The following ERC2 variants were observed in gnomAD, a reference collection of about 807,000 sequenced individuals.
The protein encoded by ERC2 is ERC protein 2.
Under a neutral mutation model 114.8 loss-of-function variants are expected in ERC2, and 42 were observed. That is an observed-to-expected ratio of 0.37 (90% CI 0.29 to 0.47). ERC2 has a LOEUF of 0.47. Ranked by LOEUF, ERC2 falls within the 20% of genes least tolerant of loss-of-function variation. The pLI, the probability that ERC2 is intolerant of heterozygous loss-of-function variation, is 0.99. For synonymous variants in ERC2, 454 were observed against 425.5 expected, an observed-to-expected ratio of 1.07 and a Z score of -0.82; for missense variants, 939 against 1,150.7, an observed-to-expected ratio of 0.82 and a Z score of 2.66.
At chr3:56,101,486 G>A (rs1190998189) in intron 6 of ERC2, among the ~76,000 whole-genome samples, 1 of 152,112 alleles carries the variant, frequency 6.6e-6, no homozygotes, top group South Asian at 2.1e-4. Flanking sequence ...GCCAGGCTAA[G>A]GGCATTACTG....
intron 17 of ERC2, among the ~76,000 whole-genome samples, chr3:55,575,981 A>T (rs1157148594): frequency 6.6e-6 from 1 of 152,214 alleles, no homozygotes; most frequent in Non-Finnish European, 1.5e-5. Context: ...AAGGTCACAC[A>T]GTTAGTTTAT....
At position 55,510,803 on chromosome 3, in the gene ERC2, A is replaced by T. The variant is rs987781020; in HGVS notation, c.*513T>A. Reference sequence around the variant, plus strand: ...AACACCACTCACTCACAGCGAATTTATACTTTTTGATAATCTAATGCATTA... The same window carrying T: ...AACACCACTCACTCACAGCGAATTTTTACTTTTTGATAATCTAATGCATTA... On this transcript the variant is annotated 3_prime_UTR_variant, in exon 18 of 18. Transcript: ENST00000288221. 1 of 152,216 alleles carries T rather than the reference A, an allele frequency of 6.6e-6. No homozygotes were observed. Among genetic ancestry groups the T allele is most frequent in the African/African-American group, 2.4e-5 (1 of 41,454 alleles). 9.4% of individuals were successfully genotyped at this position (152,216 alleles called of 1,614,324 possible).
At chr3:56,092,665 T>A (rs905374297) in intron 6 of ERC2, among the ~76,000 whole-genome samples, 9 of 152,208 alleles carry the variant, frequency 5.9e-5, no homozygotes, top group African/African-American at 2.2e-4. Context: ...CCAAAGTCAA[T>A]GTTATTTTGC....
chr3:56,340,721 C>T (rs998614817), intron 2 of ERC2, among the ~76,000 whole-genome samples: 3 of 152,108 alleles, frequency 2.0e-5, no homozygotes, highest in Admixed American at 6.6e-5. Context: ...ACCAAGGAAA[C>T]TTTTTAATAG....
chr3:56,296,068 A>G lies in ERC2; in HGVS notation c.1025T>C (p.Leu342Ser), dbSNP rs748563693. ...CTCTTTCTGATCTAAAATCACTTCC[A>G]AGTGGCTGACCTGAGACTCAGCCTC... ...MAEAESQVSH[L>S]EVILDQKEKE... is the part of the protein sequence containing the mutation. The change falls in exon 3 of 18, where the codon TTG becomes TCG. Residue 342 changes from leucine to serine, a missense_variant. This residue lies in a region of ERC2 where 148 missense variants were observed against 159.1 expected (regional missense o/e 0.93). Coordinates refer to ENST00000288221, the MANE Select transcript of ERC2 (RefSeq NM_015576.3). 6.2e-7 allele frequency: 1 copy of G among 1,609,622 alleles called. No homozygotes were observed. Among genetic ancestry groups the G allele is most frequent in the Non-Finnish European group, 8.5e-7 (1 of 1,177,156 alleles).
At chr3:56,319,077 G>A (rs55839257) in intron 2 of ERC2, among the ~76,000 whole-genome samples, 13,550 of 151,360 alleles carry the variant, frequency 0.09, 1,044 homozygotes, top group African/African-American at 0.21. Flanking sequence ...AAACACAACA[G>A]AAGTTTCCAA....
intron 14 of ERC2, among the ~76,000 whole-genome samples, chr3:55,869,283 G>T (rs766297302): frequency 6.6e-6 from 1 of 152,134 alleles, no homozygotes; most frequent in African/African-American, 2.4e-5. Flanking sequence ...TTAAGGCAAA[G>T]ATAAGGTTAG....
intron 14 of ERC2, among the ~76,000 whole-genome samples, chr3:55,882,952 A>C (rs1191127799): frequency 1.3e-5 from 2 of 152,230 alleles, no homozygotes; most frequent in Non-Finnish European, 2.9e-5. Context: ...GTGGGATTCC[A>C]AACCTCTTTG....
chr3:56,329,793 A>ATG (rs903705428), intron 2 of ERC2, among the ~76,000 whole-genome samples: 1 of 151,104 alleles, frequency 6.6e-6, no homozygotes, highest in Non-Finnish European at 1.5e-5. Context: ...TTTCCACTAT[A>ATG]TATATATATA....
intron 1 of ERC2, among the ~76,000 whole-genome samples, chr3:56,452,286 G>A (rs1264246955): frequency 6.6e-6 from 1 of 152,154 alleles, no homozygotes; most frequent in Admixed American, 6.5e-5. Flanking sequence ...AAGTTCCTCA[G>A]AAAGAATGAA....
intron 3 of ERC2, among the ~76,000 whole-genome samples, chr3:56,202,501 C>T (rs1035553008): frequency 2.9e-4 from 41 of 141,118 alleles, no homozygotes; most frequent in African/African-American, 8.8e-4. Context: ...TAAACTCAAG[C>T]TTTTTTTTTT....
At chr3:56,334,178 G>A (rs547678305) in intron 2 of ERC2, among the ~76,000 whole-genome samples, 1 of 152,120 alleles carries the variant, frequency 6.6e-6, no homozygotes, top group Non-Finnish European at 1.5e-5. Flanking sequence ...CAAATCCCTT[G>A]GATGCCAAGG....
intron 11 of ERC2, among the ~76,000 whole-genome samples, chr3:55,987,927 T>C (rs2070759032): frequency 6.6e-6 from 1 of 152,164 alleles, no homozygotes; most frequent in South Asian, 2.1e-4. Flanking sequence ...GGGCTCAATT[T>C]GGGCATTCTC....
At chr3:56,096,696 ATAT>A (rs2078085677) in intron 6 of ERC2, among the ~76,000 whole-genome samples, 1 of 152,134 alleles carries the variant, frequency 6.6e-6, no homozygotes, top group Non-Finnish European at 1.5e-5. Flanking sequence ...GTACATTTAT[ATAT>A]TATTACACTT....
intron 13 of ERC2, among the ~76,000 whole-genome samples, chr3:55,897,176 C>T (rs2063882445): frequency 6.6e-6 from 1 of 152,202 alleles, no homozygotes; most frequent in African/African-American, 2.4e-5. Flanking sequence ...TGTTGTTTAA[C>T]TAAATATTTG....
intron 17 of ERC2, among the ~76,000 whole-genome samples, chr3:55,566,845 T>C (rs2056408430): frequency 2.0e-5 from 3 of 152,084 alleles, no homozygotes; most frequent in South Asian, 4.1e-4. Context: ...ATTACAGGTG[T>C]ATGTCACCAT....
chr3:55,946,522 G>T (rs544059664), intron 13 of ERC2, among the ~76,000 whole-genome samples: 2 of 152,254 alleles, frequency 1.3e-5, no homozygotes, highest in East Asian at 3.9e-4. Flanking sequence ...GTCTCTCTGG[G>T]AGAAAACTCT....
chr3:55,754,604 A>AT (rs763895703), intron 14 of ERC2, among the ~76,000 whole-genome samples: 9 of 82,006 alleles, frequency 1.1e-4, no homozygotes, highest in African/African-American at 1.7e-4. Flanking sequence ...CCATTCTTAC[A>AT]TAAAAAAAAA....
At chr3:56,006,545 C>T (rs368636129) in intron 10 of ERC2, among the ~76,000 whole-genome samples, 1 of 151,996 alleles carries the variant, frequency 6.6e-6, no homozygotes, top group East Asian at 1.9e-4. Flanking sequence ...GTCAAAGTAA[C>T]AATGCATGAC....
Sources: allele counts gnomAD v4.1 joint callset (sites outside exome capture counted in the v4.1 genomes callset), GRCh38; gene constraint gnomAD v4.1.1; regional missense constraint gnomAD v4.1.1; transcripts MANE v1.5; gene names NCBI Gene and HGNC (gene_info 2026-07-23, HGNC 2026-07-21).